Variants in MYCBP2 observed in about 807,000 individuals in gnomAD.
MYCBP2 encodes E3 ubiquitin-protein ligase MYCBP2.
A neutral mutation model predicts 525.3 loss-of-function variants in MYCBP2; 120 were observed. The ratio of observed to expected loss-of-function variants is 0.23; its 90% CI spans 0.20 to 0.27. MYCBP2 has a LOEUF of 0.27. MYCBP2 is among the 10% of genes least tolerant of loss of function. MYCBP2 has a pLI of 1.00. For missense variants in MYCBP2, 4,149 were observed against 5,657.1 expected, an observed-to-expected ratio of 0.73 and a Z score of 8.55; for synonymous variants, 1,894 against 1,955.8, an observed-to-expected ratio of 0.97 and a Z score of 0.83.
intron 55 of MYCBP2, among the ~76,000 whole-genome samples, chr13:77,102,782 A>G (rs2047266487): frequency 6.6e-6 from 1 of 151,856 alleles, no homozygotes; most frequent in South Asian, 2.1e-4. Context: ...GTTTCTCATA[A>G]AAGACTAAAA....
chr13:77,213,050 T>C (rs891829358), intron 21 of MYCBP2, among the ~76,000 whole-genome samples: 2 of 152,126 alleles, frequency 1.3e-5, no homozygotes, highest in African/African-American at 4.8e-5. Flanking sequence ...TGAGCTTCAA[T>C]CCCTGGACAG....
chr13:77,128,692 T>G, intron 52 of MYCBP2, among the ~76,000 whole-genome samples: 1 of 151,954 alleles, frequency 6.6e-6, no homozygotes, highest in Admixed American at 6.6e-5. Flanking sequence ...AATAGTAAAA[T>G]ACATGCTTTA....
Position 77,081,172 on chromosome 13 carries a change from A to C in MYCBP2, c.11418+255T>G, listed in dbSNP as rs920187467. On this transcript the variant is annotated intron_variant, in intron 65 of 82. Transcript: ENST00000544440. The surrounding 1 kb of genome is among the most constrained non-coding windows in gnomAD (Gnocchi z 4.6). ...AGGGAATGGCAGCAGAAAATTGTAG[A>C]GCAGACTTTCATTTTGCTTAGCTGT... 2.6e-6 allele frequency: 1 copy of C among 383,086 alleles called. No individual in the cohort carries two copies. The highest frequency in any genetic ancestry group is 2.1e-5 in the African/African-American group (1 of 48,312). 23.7% of individuals were successfully genotyped at this position (383,086 alleles called of 1,614,324 possible).
chr13:77,270,667 G>A (rs918398979), intron 5 of MYCBP2, 129 bp from the exon 6 acceptor site: 5 of 983,326 alleles, frequency 5.1e-6, no homozygotes, highest in Non-Finnish European at 7.2e-6. Context: ...TCGCATGCCA[G>A]CAAAAAGTAC....
chr13:77,225,333 T>C, intron 19 of MYCBP2, 102 bp downstream of exon 19: 1 of 1,494,866 alleles, frequency 6.7e-7, no homozygotes, highest in Non-Finnish European at 9.2e-7. Flanking sequence ...ACGCTACAGC[T>C]TTTAACACAC....
intron 2 of MYCBP2, 78 bp downstream of exon 2, chr13:77,296,521 T>C: frequency 7.0e-7 from 1 of 1,438,236 alleles, no homozygotes; most frequent in Non-Finnish European, 9.2e-7. Flanking sequence ...GGTTTAATTA[T>C]ATTTTTTAAT....
chr13:77,104,564 A>G (rs1353812118), intron 55 of MYCBP2, among the ~76,000 whole-genome samples: 2 of 152,168 alleles, frequency 1.3e-5, no homozygotes, highest in African/African-American at 2.4e-5. Context: ...CCAAAGCCCT[A>G]GGACATTTCT....
At chr13:77,258,260 G>A (rs1487635430) in intron 13 of MYCBP2, among the ~76,000 whole-genome samples, 1 of 152,192 alleles carries the variant, frequency 6.6e-6, no homozygotes, top group Non-Finnish European at 1.5e-5. Context: ...AGAAACCAGT[G>A]AGACTTTTCA....
At chr13:77,287,806 G>A (rs903126438) in intron 3 of MYCBP2, among the ~76,000 whole-genome samples, 2 of 152,106 alleles carry the variant, frequency 1.3e-5, no homozygotes, top group South Asian at 2.1e-4. Flanking sequence ...CCTTACTCTC[G>A]GCTCACTGGC....
At chr13:77,314,673 TAC>T (rs1374800155) in intron 1 of MYCBP2, among the ~76,000 whole-genome samples, 1 of 152,220 alleles carries the variant, frequency 6.6e-6, no homozygotes, top group Non-Finnish European at 1.5e-5. Context: ...TGTATGATAC[TAC>T]AGTGATAAAT....
At chr13:77,067,995 A>G in intron 70 of MYCBP2, 131 bp from the exon 71 acceptor site, 1 of 819,208 alleles carries the variant, frequency 1.2e-6, no homozygotes, top group Non-Finnish European at 1.9e-6. Flanking sequence ...TGGAGCAACC[A>G]CAGCTCACTG....
chr13:77,198,634 C>A (rs1180990943), intron 26 of MYCBP2, among the ~76,000 whole-genome samples: 1 of 152,130 alleles, frequency 6.6e-6, no homozygotes, highest in Non-Finnish European at 1.5e-5. Flanking sequence ...TGAACATATA[C>A]TTTGTTTAGG....
intron 1 of MYCBP2, among the ~76,000 whole-genome samples, chr13:77,316,319 A>G (rs2080928819): frequency 6.6e-6 from 1 of 152,248 alleles, no homozygotes; most frequent in Non-Finnish European, 1.5e-5. Flanking sequence ...GTAGCACTAA[A>G]AACCATAAAA....
At chr13:77,157,915 A>G (rs1362492615) in intron 45 of MYCBP2, 22 bp downstream of exon 45, 4 of 1,578,344 alleles carry the variant, frequency 2.5e-6, no homozygotes, top group African/African-American at 2.7e-5. Context: ...AAAATAAAGT[A>G]AGTAACTTAA....
intron 36 of MYCBP2, 98 bp from the exon 37 acceptor site, chr13:77,174,587 T>C: frequency 1.2e-6 from 1 of 864,874 alleles, no homozygotes; most frequent in Non-Finnish European, 1.8e-6. Context: ...CTGAAATTCT[T>C]TGTCATATTT....
intron 36 of MYCBP2, among the ~76,000 whole-genome samples, chr13:77,174,912 ATATATAT>A (rs2059498692): frequency 9.2e-6 from 1 of 108,468 alleles, no homozygotes; most frequent in African/African-American, 5.5e-5. Flanking sequence ...TATATATATA[ATATATAT>A]TATATATATA....
chr13:77,064,382 C>T (rs544157941), intron 73 of MYCBP2, among the ~76,000 whole-genome samples: 5 of 152,174 alleles, frequency 3.3e-5, no homozygotes, highest in South Asian at 2.1e-4. Context: ...AACCAGTGTA[C>T]CCTTGGCTTC....
chr13:77,251,707 C>G (rs1375120334), intron 14 of MYCBP2, among the ~76,000 whole-genome samples: 3 of 152,124 alleles, frequency 2.0e-5, no homozygotes, highest in Non-Finnish European at 4.4e-5. Flanking sequence ...CCAAGAGTTC[C>G]CCACTCTAGA....
intron 21 of MYCBP2, among the ~76,000 whole-genome samples, chr13:77,212,932 T>C (rs180760496): frequency 1.5e-3 from 227 of 152,256 alleles, no homozygotes; most frequent in African/African-American, 5.2e-3. Context: ...CTCACAGCAT[T>C]CTGGAACAAG....
Sources: allele counts gnomAD v4.1 joint callset (sites outside exome capture counted in the v4.1 genomes callset), GRCh38; gene constraint gnomAD v4.1.1; non-coding constraint Gnocchi (gnomAD v3.1); transcripts MANE v1.5; gene names NCBI Gene and HGNC (gene_info 2026-07-23, HGNC 2026-07-21).